The following RAP1GAP variants were observed in gnomAD, a reference collection of about 807,000 sequenced individuals.
The protein encoded by RAP1GAP is rap1 GTPase-activating protein 1.
A neutral mutation model predicts 87.2 loss-of-function variants in RAP1GAP; 35 were observed. That is an observed-to-expected ratio of 0.40 (90% CI 0.31 to 0.53). The LOEUF (loss-of-function observed/expected upper bound fraction) is 0.53. RAP1GAP is among the 20% of genes least tolerant of loss of function. The pLI is 0.48. For missense variants in RAP1GAP, 734 were observed against 898.9 expected (o/e 0.82, Z 2.35); for synonymous variants, 375 against 363.9 (o/e 1.03, Z -0.35).
At chr1:21,627,409 CTTTT>C (rs755209828) in intron 2 of RAP1GAP, among the ~76,000 whole-genome samples, 75 of 125,240 alleles carry the variant, frequency 6.0e-4, no homozygotes, top group Middle Eastern at 8.8e-3. Context: ...CTCCCTTCTT[CTTTT>C]TTTTTTTTTT....
intron 1 of RAP1GAP, among the ~76,000 whole-genome samples, chr1:21,652,287 C>G (rs1352649727): frequency 6.6e-6 from 1 of 152,192 alleles, no homozygotes; most frequent in Admixed American, 6.5e-5. Context: ...CCCTGTCCCT[C>G]GACTTTCTCA....
At chr1:21,618,938 A>C in intron 5 of RAP1GAP, 87 bp downstream of exon 5, 1 of 1,409,908 alleles carries the variant, frequency 7.1e-7, no homozygotes, top group Non-Finnish European at 9.8e-7. Flanking sequence ...AAGGGGATGG[A>C]TTTCCTGCTT....
chr1:21,655,091 C>T (rs1166797790), intron 1 of RAP1GAP, among the ~76,000 whole-genome samples: 1 of 146,346 alleles, frequency 6.8e-6, no homozygotes, highest in Admixed American at 6.9e-5. Context: ...AGTGAGCCAA[C>T]ATCAGGCCAC....
chr1:21,626,997 C>G, intron 2 of RAP1GAP: 1 of 456,738 alleles, frequency 2.2e-6, no homozygotes, highest in South Asian at 1.5e-5. Flanking sequence ...GCAAAGCTAG[C>G]ATCTGCATGA....
chr1:21,603,107 G>A lies in RAP1GAP; in HGVS notation c.1429-194C>T. The A allele has an allele frequency of 1.8e-6, 1 of 569,252 alleles. No homozygotes were observed. Among genetic ancestry groups the A allele is most frequent in the Non-Finnish European group, 3.1e-6 (1 of 317,758 alleles). The allele number at this position is 569,252 out of a possible 1,614,324, so 35.3% of individuals were successfully genotyped here. A position where few individuals can be genotyped will look rare whatever the true frequency, so the allele number is the denominator to read the frequency against. ...GAAACAGTCCCCAGGAGGGCAAGGG[G>A]CTCTCCCGAGCTCACACGGCAGGAC... On this transcript the variant is annotated intron_variant, in intron 18 of 24. Coordinates refer to ENST00000374765, the MANE Select transcript of RAP1GAP (RefSeq NM_002885.4). This position sits in a 1 kb window ranked among gnomAD's most constrained non-coding sequence, Gnocchi z 6.0.
intron 3 of RAP1GAP, among the ~76,000 whole-genome samples, chr1:21,625,880 G>A (rs1490941921): frequency 6.6e-6 from 1 of 152,174 alleles, no homozygotes; most frequent in Non-Finnish European, 1.5e-5. Context: ...CGTTGACAGG[G>A]CTCTTGCTCT....
At chr1:21,649,699 G>A in intron 2 of RAP1GAP, 62 bp downstream of exon 2, 1 of 1,495,116 alleles carries the variant, frequency 6.7e-7, no homozygotes, top group Non-Finnish European at 9.1e-7. Flanking sequence ...GGAATGGATT[G>A]GGGGTATCTG....
chr1:21,611,244 C>T (rs1485142288), intron 13 of RAP1GAP, among the ~76,000 whole-genome samples: 3 of 152,212 alleles, frequency 2.0e-5, no homozygotes, highest in Non-Finnish European at 4.4e-5. Context: ...CGCATTTATG[C>T]TCACCTAGGA....
chr1:21,616,494 CACAA>C (rs1211712994), intron 7 of RAP1GAP, among the ~76,000 whole-genome samples: 5 of 152,208 alleles, frequency 3.3e-5, no homozygotes, highest in African/African-American at 4.8e-5. Flanking sequence ...CCCAAGGTCA[CACAA>C]ACAGTTAATG....
intron 2 of RAP1GAP, among the ~76,000 whole-genome samples, chr1:21,637,322 A>C (rs1571128808): frequency 2.5e-5 from 1 of 40,528 alleles, no homozygotes; most frequent in Admixed American, 4.1e-4. Flanking sequence ...ACATCCGGCT[A>C]ATTTTTTTTT....
At chr1:21,626,463 G>T in intron 2 of RAP1GAP, 66 bp from the exon 3 acceptor site, 1 of 1,302,470 alleles carries the variant, frequency 7.7e-7, no homozygotes, top group Non-Finnish European at 1.1e-6. Flanking sequence ...CTCTGGGAGA[G>T]TCACTCTCAG....
At chr1:21,662,363 C>T (rs1416613160) in intron 1 of RAP1GAP, among the ~76,000 whole-genome samples, 1 of 152,252 alleles carries the variant, frequency 6.6e-6, no homozygotes, top group East Asian at 1.9e-4. Context: ...GGGGTTGGAC[C>T]AGCTGATCTC....
At chr1:21,660,966 G>A (rs753118139) in intron 1 of RAP1GAP, among the ~76,000 whole-genome samples, 2 of 152,122 alleles carry the variant, frequency 1.3e-5, no homozygotes, top group Non-Finnish European at 2.9e-5. Context: ...GGAGGGAGAT[G>A]GCTGGGGCGC....
chr1:21,608,865 C>T lies in RAP1GAP; in HGVS notation c.1143G>A (p.Lys381=), dbSNP rs74060020. 0.016 allele frequency: 26,058 copies of T among 1,614,050 alleles called. 266 individuals carry two copies. Among genetic ancestry groups the T allele is most frequent in the African/African-American group, 0.031 (2,307 of 75,034 alleles). The change falls in exon 16 of 25, where the codon AAG becomes AAA. Residue 381 remains lysine, a synonymous_variant. Transcript: ENST00000374765. ...CCATCCTCACCTCCAGTTTGGCAAA[C>T]TTCTCTGCCTTGTAGCAGGCATATT... ...NAEYACYKAE[K]FAKLEERTRA...
chr1:21,618,103 T>A, intron 5 of RAP1GAP, 131 bp from the exon 6 acceptor site: 1 of 1,063,958 alleles, frequency 9.4e-7, no homozygotes, highest in African/African-American at 1.6e-5. Context: ...CTCTTACAGA[T>A]GGGCAGGGGC....
Position 21,606,091 on chromosome 1 carries a change from G to T in RAP1GAP, c.1403C>A (p.Pro468His). The T allele has an allele frequency of 1.4e-5, 23 of 1,587,258 alleles. No individual in the cohort carries two copies. The highest frequency in any genetic ancestry group is 1.9e-5 in the Non-Finnish European group (22 of 1,167,216). ...TATTCCAGCCGCCTTGGCCAGGTCG[G>T]GGTTGTTGGGCGCGAAGCTCCCGCT... ...SHSGSFAPNN[P>H]DLAKAAGISL... The change falls in exon 18 of 25, where the codon CCC (proline) becomes CAC (histidine). Residue 468 changes from proline to histidine, a missense_variant. By Grantham distance (77) the Pro-to-His change is moderately conservative (BLOSUM62 -2). This residue lies in a region of RAP1GAP where 485 missense variants were observed against 646.2 expected (regional missense o/e 0.75). Coordinates refer to ENST00000374765, the MANE Select transcript of RAP1GAP (RefSeq NM_002885.4).
At chr1:21,618,366 G>A (rs544495524) in intron 5 of RAP1GAP, among the ~76,000 whole-genome samples, 1 of 152,306 alleles carries the variant, frequency 6.6e-6, no homozygotes, top group East Asian at 1.9e-4. Context: ...TACTGCCCAT[G>A]CACCCTCCTC....
chr1:21,608,136 AG>A, intron 17 of RAP1GAP, 76 bp downstream of exon 17: 1 of 1,546,674 alleles, frequency 6.5e-7, no homozygotes, highest in Non-Finnish European at 8.8e-7. Flanking sequence ...CGTGTCCATC[AG>A]TCTATCAGCC....
At chr1:21,641,955 C>T (rs1056463183) in intron 2 of RAP1GAP, among the ~76,000 whole-genome samples, 3 of 152,194 alleles carry the variant, frequency 2.0e-5, no homozygotes, top group Non-Finnish European at 4.4e-5. Flanking sequence ...GAAACAGCTG[C>T]ATTGTTACAC....
Sources: allele counts gnomAD v4.1 joint callset (sites outside exome capture counted in the v4.1 genomes callset), GRCh38; gene constraint gnomAD v4.1.1; regional missense constraint gnomAD v4.1.1; non-coding constraint Gnocchi (gnomAD v3.1); transcripts MANE v1.5; gene names NCBI Gene and HGNC (gene_info 2026-07-23, HGNC 2026-07-21).